ENTHD1: variants seen among roughly 807,000 people sequenced by gnomAD.
ENTHD1 encodes ENTH domain containing 1.
A neutral mutation model predicts 39.1 loss-of-function variants in ENTHD1; 23 were observed. That is an observed-to-expected ratio of 0.59 (90% CI 0.42 to 0.83). The LOEUF (loss-of-function observed/expected upper bound fraction) is 0.83. Ranked by LOEUF, ENTHD1 falls within the 40% of genes least tolerant of loss-of-function variation. The pLI is 0.00. For synonymous variants in ENTHD1, 230 were observed against 258.2 expected, an observed-to-expected ratio of 0.89 and a Z score of 1.05; for missense variants, 624 against 705.4, an observed-to-expected ratio of 0.88 and a Z score of 1.31.
chr22:39,854,945 T>C (rs2066073060), intron 3 of ENTHD1, among the ~76,000 whole-genome samples: 1 of 152,200 alleles, frequency 6.6e-6, no homozygotes, highest in Non-Finnish European at 1.5e-5. Flanking sequence ...TTGCCTCCAT[T>C]TTCTCTAATG....
At chr22:39,789,232 A>G (rs747994135) in intron 5 of ENTHD1, among the ~76,000 whole-genome samples, 1 of 152,308 alleles carries the variant, frequency 6.6e-6, no homozygotes, top group Non-Finnish European at 1.5e-5. Context: ...ACCTTTGGAT[A>G]TATACACGGT....
chr22:39,782,615 G>C (rs1425712306), intron 5 of ENTHD1, among the ~76,000 whole-genome samples: 1 of 152,132 alleles, frequency 6.6e-6, no homozygotes, highest in Non-Finnish European at 1.5e-5. Context: ...CATTCACCAT[G>C]ATAAGTGAGG....
At chr22:39,798,592 A>T (rs2065570267) in intron 5 of ENTHD1, among the ~76,000 whole-genome samples, 1 of 152,138 alleles carries the variant, frequency 6.6e-6, no homozygotes, top group African/African-American at 2.4e-5. Context: ...TCGGGACAGG[A>T]GTGTCAAGTC....
chr22:39,835,715 C>A, intron 4 of ENTHD1, 125 bp downstream of exon 4: 1 of 573,584 alleles, frequency 1.7e-6, no homozygotes, highest in Non-Finnish European at 3.0e-6. Flanking sequence ...CTACGGACAC[C>A]TTGATTTTAG....
intron 5 of ENTHD1, among the ~76,000 whole-genome samples, chr22:39,781,261 C>T (rs1460895012): frequency 6.6e-6 from 1 of 152,120 alleles, no homozygotes; most frequent in Non-Finnish European, 1.5e-5. Context: ...TCTTAGTCCA[C>T]AAAATGAGTC....
intron 1 of ENTHD1, 187 bp downstream of exon 1, chr22:39,893,508 G>A (rs1021838488): frequency 6.6e-6 from 1 of 152,308 alleles, no homozygotes; most frequent in Non-Finnish European, 1.5e-5. Flanking sequence ...TCTAGAAGGA[G>A]AGAGGGACGT....
At chr22:39,866,925 C>T (rs1007390184) in intron 2 of ENTHD1, among the ~76,000 whole-genome samples, 12 of 151,400 alleles carry the variant, frequency 7.9e-5, no homozygotes, top group Non-Finnish European at 8.8e-5. Context: ...TTTTTTGAGA[C>T]GGAGTCTCGC....
chr22:39,817,072 T>C (rs1461310089), intron 5 of ENTHD1, among the ~76,000 whole-genome samples: 1 of 152,184 alleles, frequency 6.6e-6, no homozygotes, highest in Non-Finnish European at 1.5e-5. Flanking sequence ...ACCTACTATG[T>C]AATGCAACTT....
intron 5 of ENTHD1, among the ~76,000 whole-genome samples, chr22:39,785,653 A>G (rs956146096): frequency 6.6e-6 from 1 of 152,110 alleles, no homozygotes; most frequent in Non-Finnish European, 1.5e-5. Context: ...TCTTTAGGGT[A>G]ACTTGGAAAG....
chr22:39,875,207 GC>G (rs1437647139), intron 2 of ENTHD1: 1 of 838,342 alleles, frequency 1.2e-6, no homozygotes, highest in Middle Eastern at 4.2e-4. Flanking sequence ...GTTGAGAGAA[GC>G]CAGAAACTGA....
chr22:39,745,561 C>T (rs2065097324), intron 6 of ENTHD1, among the ~76,000 whole-genome samples: 1 of 152,104 alleles, frequency 6.6e-6, no homozygotes, highest in Non-Finnish European at 1.5e-5. Flanking sequence ...ATATTCTCAG[C>T]CGATGCAGCA....
intron 3 of ENTHD1, among the ~76,000 whole-genome samples, chr22:39,838,416 T>G (rs866238076): frequency 6.6e-6 from 1 of 152,116 alleles, no homozygotes; most frequent in South Asian, 2.1e-4. Context: ...TTCCAGCATA[T>G]TACTTGGAAG....
intron 3 of ENTHD1, among the ~76,000 whole-genome samples, chr22:39,845,501 A>AT (rs1345657053): frequency 2.0e-5 from 3 of 152,316 alleles, no homozygotes; most frequent in African/African-American, 7.2e-5. Context: ...AGAAGGAGGG[A>AT]AGGAGAAGCA....
At chr22:39,784,977 C>T (rs1159349083) in intron 5 of ENTHD1, among the ~76,000 whole-genome samples, 1 of 151,960 alleles carries the variant, frequency 6.6e-6, no homozygotes, top group Non-Finnish European at 1.5e-5. Context: ...ATGGATATCC[C>T]AAGTACACTG....
At chr22:39,869,983 C>CTTTCTTTA (rs1555943416) in intron 2 of ENTHD1, among the ~76,000 whole-genome samples, 1 of 140,630 alleles carries the variant, frequency 7.1e-6, no homozygotes, top group Admixed American at 7.1e-5. Flanking sequence ...GAGAACAGTA[C>CTTTCTTTA]TTTATTTATT....
chr22:39,864,007 C>T (rs561894708), intron 2 of ENTHD1, among the ~76,000 whole-genome samples: 1 of 152,278 alleles, frequency 6.6e-6, no homozygotes, highest in Admixed American at 6.5e-5. Context: ...TCTAAACACT[C>T]TTAGCTTCCT....
chr22:39,772,393 A>C (rs1014361513), intron 5 of ENTHD1, among the ~76,000 whole-genome samples: 1 of 152,170 alleles, frequency 6.6e-6, no homozygotes, highest in Admixed American at 6.5e-5. Flanking sequence ...GGACCCCTGG[A>C]CTATAGCATA....
rs533865608 is a variant in ENTHD1, at chr22:39,875,496, G to A, written c.349+11904C>T. 9.8e-5 allele frequency: 156 copies of A among 1,589,182 alleles called. No individual in the cohort carries two copies. The African/African-American group carries it at 1.9e-3, about 20-fold the overall frequency. ...CGCCGGCCTTTGGTCGCCTCCGTGGGCCTCAATGTCCCTGCTTCTGTTTGT... is the reference window on the plus strand; with the variant it reads ...CGCCGGCCTTTGGTCGCCTCCGTGGACCTCAATGTCCCTGCTTCTGTTTGT... On this transcript the variant is annotated intron_variant, in intron 2 of 6. Transcript: ENST00000325157.
chr22:39,821,095 C>A lies in ENTHD1; in HGVS notation c.730G>T (p.Asp244Tyr), dbSNP rs1470647878. 2 of 1,613,688 alleles carry A rather than the reference C, an allele frequency of 1.2e-6. No homozygotes were observed. The highest frequency in any genetic ancestry group is 2.2e-5 in the East Asian group (1 of 44,868). Residue 244 changes from aspartate (D) to tyrosine (Y), a missense_variant, in exon 5 of 7, where the codon GAT (aspartate) becomes TAT (tyrosine). Physicochemically the swap from Asp to Tyr is radical, Grantham distance 160. Coordinates refer to ENST00000325157, the MANE Select transcript of ENTHD1 (RefSeq NM_152512.4). Reference sequence around the variant, plus strand: ...AGTAAAGGCAGCTCTGGATCATCATCCAAAAATGTCATCAGGTCCTGACAG... The same window carrying A: ...AGTAAAGGCAGCTCTGGATCATCATACAAAAATGTCATCAGGTCCTGACAG... ...KSTEDLMTFL[D>Y]DDPELPLLAT...
Sources: gnomAD v4.1 joint callset for allele counts (sites outside exome capture counted in the v4.1 genomes callset) on GRCh38, gnomAD v4.1.1 for gene constraint, MANE v1.5 for transcripts, NCBI Gene and HGNC (gene_info 2026-07-23, HGNC 2026-07-21) for gene names.